The following KDM2B variants were observed in gnomAD, a reference collection of about 807,000 sequenced individuals.
KDM2B encodes lysine demethylase 2B.
Under a neutral mutation model 150.0 loss-of-function variants are expected in KDM2B, and 26 were observed. That is an observed-to-expected ratio of 0.17 (90% confidence interval 0.13 to 0.24). KDM2B has a LOEUF of 0.24. Ranked by LOEUF, KDM2B falls within the 10% of genes least tolerant of loss-of-function variation. The pLI is 1.00. For synonymous variants in KDM2B, 734 were observed against 729.5 expected, an observed-to-expected ratio of 1.01 and a Z score of -0.10; for missense variants, 1,265 against 1,816.9, an observed-to-expected ratio of 0.70 and a Z score of 5.52.
At chr12:121,538,181 G>A (rs1403320704) in intron 6 of KDM2B, among the ~76,000 whole-genome samples, 2 of 152,046 alleles carry the variant, frequency 1.3e-5, no homozygotes, top group Non-Finnish European at 2.9e-5. Context: ...GGGAGGCCGC[G>A]GGGCGACCGG....
At chr12:121,450,559 A>G (rs1877065515) in intron 13 of KDM2B, among the ~76,000 whole-genome samples, 1 of 152,134 alleles carries the variant, frequency 6.6e-6, no homozygotes, top group South Asian at 2.1e-4. Flanking sequence ...TGGTGGGGAC[A>G]CAGAGAAACA....
At chr12:121,483,376 G>A (rs547198535) in intron 12 of KDM2B, among the ~76,000 whole-genome samples, 24 of 151,222 alleles carry the variant, frequency 1.6e-4, no homozygotes, top group African/African-American at 5.3e-4. Context: ...AGAGTAGACC[G>A]GTATTAGGCC....
chr12:121,534,241 C>T (rs1334562364), intron 7 of KDM2B, among the ~76,000 whole-genome samples: 2 of 151,178 alleles, frequency 1.3e-5, no homozygotes, highest in Non-Finnish European at 1.5e-5. Context: ...CCCAGCTACT[C>T]AGGAGGCTGA....
At chr12:121,478,651 G>A (rs1348412605) in intron 12 of KDM2B, among the ~76,000 whole-genome samples, 2 of 151,472 alleles carry the variant, frequency 1.3e-5, no homozygotes, top group East Asian at 2.0e-4. Context: ...GAGCCACTGC[G>A]CCCAGCTGAC....
chr12:121,555,609 G>A (rs1566413058), intron 4 of KDM2B, among the ~76,000 whole-genome samples: 1 of 152,180 alleles, frequency 6.6e-6, no homozygotes, highest in Non-Finnish European at 1.5e-5. Context: ...CTGGGCTCAA[G>A]TCATCTGCCC....
chr12:121,516,262 G>C, intron 9 of KDM2B: 1 of 320,840 alleles, frequency 3.1e-6, no homozygotes, highest in Non-Finnish European at 6.0e-6. Context: ...TGACCACCTG[G>C]GAATCTTTCT....
chr12:121,548,757 C>T (rs1192167961), intron 6 of KDM2B, 120 bp downstream of exon 6: 17 of 737,978 alleles, frequency 2.3e-5, no homozygotes, highest in African/African-American at 3.5e-5. Context: ...CAGTTCTGAA[C>T]GGGAGCGGTT....
intron 12 of KDM2B, among the ~76,000 whole-genome samples, chr12:121,493,196 C>T: frequency 6.6e-6 from 1 of 150,692 alleles, no homozygotes; most frequent in East Asian, 2.0e-4. Flanking sequence ...GCATAAGCCA[C>T]CATGCCTGGC....
At chr12:121,474,626 A>C (rs911550871) in intron 12 of KDM2B, among the ~76,000 whole-genome samples, 6 of 152,134 alleles carry the variant, frequency 3.9e-5, no homozygotes, top group African/African-American at 1.4e-4. Flanking sequence ...CAAGAATATA[A>C]TACCATATTT....
intron 8 of KDM2B, 123 bp downstream of exon 8, chr12:121,532,683 C>A: frequency 1.0e-6 from 1 of 992,626 alleles, no homozygotes; most frequent in East Asian, 2.4e-5. Flanking sequence ...CGGCTGGCTC[C>A]CCTCGGGGAC....
At chr12:121,529,410 C>T (rs1594059097) in intron 8 of KDM2B, among the ~76,000 whole-genome samples, 1 of 152,282 alleles carries the variant, frequency 6.6e-6, no homozygotes, top group East Asian at 1.9e-4. Context: ...TAAGGTCACA[C>T]TGTGGCAATG....
At chr12:121,572,261 CAG>C (rs553338319) in intron 4 of KDM2B, among the ~76,000 whole-genome samples, 148 of 152,234 alleles carry the variant, frequency 9.7e-4, no homozygotes, top group African/African-American at 3.4e-3. Context: ...AATCAGATCA[CAG>C]AGATACTCCC....
intron 11 of KDM2B, among the ~76,000 whole-genome samples, chr12:121,501,331 A>C (rs990184224): frequency 1.3e-5 from 2 of 152,106 alleles, no homozygotes; most frequent in African/African-American, 4.8e-5. Context: ...GCAAGCCAAG[A>C]TCACGTCACT....
chr12:121,493,147 A>T (rs1218739882), intron 12 of KDM2B, among the ~76,000 whole-genome samples: 1 of 130,192 alleles, frequency 7.7e-6, no homozygotes, highest in Non-Finnish European at 1.5e-5. Flanking sequence ...GGCTCAGGTG[A>T]TCCTCCCCCC....
downstream of KDM2B, among the ~76,000 whole-genome samples, chr12:121,428,564 G>T (rs1259792644): frequency 6.6e-6 from 1 of 152,112 alleles, no homozygotes; most frequent in African/African-American, 2.4e-5. Context: ...TCTTCCACAG[G>T]GGCAACATCG....
chr12:121,545,605 G>T (rs917450035), intron 6 of KDM2B, among the ~76,000 whole-genome samples: 16 of 152,108 alleles, frequency 1.1e-4, no homozygotes, highest in Non-Finnish European at 1.8e-4. Flanking sequence ...TCTATGTCCA[G>T]CTGGACCCTC....
chr12:121,509,537 C>A, intron 11 of KDM2B, 30 bp downstream of exon 11: 1 of 1,603,814 alleles, frequency 6.2e-7, no homozygotes, highest in Non-Finnish European at 8.5e-7. Flanking sequence ...CCTCCTCGGC[C>A]GCCCAGCCCC....
Position 121,443,802 on chromosome 12 carries a change from G to A in KDM2B, c.2452-9C>T, listed in dbSNP as rs782449680. 1.3e-6 allele frequency: 2 copies of A among 1,531,548 alleles called. No individual in the cohort carries two copies. Among genetic ancestry groups the A allele is most frequent in the African/African-American group, 1.4e-5 (1 of 73,474 alleles). 94.9% of individuals were successfully genotyped at this position (1,531,548 alleles called of 1,614,324 possible). A position where few individuals can be genotyped will look rare whatever the true frequency, so the allele number is the denominator to read the frequency against. On this transcript the variant is annotated splice_polypyrimidine_tract_variant and intron_variant, in intron 16 of 22. Coordinates refer to ENST00000377071, the MANE Select transcript of KDM2B (RefSeq NM_032590.5). The stretch of plus-strand genomic sequence containing the variant: ...GTTTGAAGCGATGAGGCCTAAAGGG[G>A]GGTGGAGTGGGAAGAGGAGTGACTC...
At chr12:121,418,765 G>A in the KDM2B span, 2 of 152,152 alleles carry the variant, frequency 1.3e-5, no homozygotes, top group Non-Finnish European at 2.9e-5. Flanking sequence ...CTGTTGCCCA[G>A]GCTAGAGTGA....
Sources: allele counts gnomAD v4.1 joint callset (sites outside exome capture counted in the v4.1 genomes callset), GRCh38; gene constraint gnomAD v4.1.1; transcripts MANE v1.5; gene names NCBI Gene and HGNC (gene_info 2026-07-23, HGNC 2026-07-21).